The following SPAG6 variants were observed in gnomAD, a reference collection of about 807,000 sequenced individuals.
The protein encoded by SPAG6 is sperm associated antigen 6, also known as sperm-associated antigen 6.
Under a neutral mutation model 58.5 loss-of-function variants are expected in SPAG6, and 49 were observed. The observed-to-expected ratio is 0.84, with a 90% CI of 0.67 to 1.06. The LOEUF (loss-of-function observed/expected upper bound fraction) is 1.06. Ranked by LOEUF, SPAG6 falls within the 50% of genes least tolerant of loss-of-function variation. The pLI is 0.00. For missense variants in SPAG6, 560 were observed against 611.3 expected (o/e 0.92, Z 0.89); for synonymous variants, 233 against 225.6 (o/e 1.03, Z -0.29).
intron 4 of SPAG6, among the ~76,000 whole-genome samples, chr10:22,373,306 T>C (rs1179951540): frequency 6.6e-6 from 1 of 152,216 alleles, no homozygotes; most frequent in East Asian, 1.9e-4. Context: ...GCCCGATTGT[T>C]TTCTATCTTG....
intron 4 of SPAG6, among the ~76,000 whole-genome samples, chr10:22,371,686 A>G (rs527834436): frequency 6.6e-6 from 1 of 152,346 alleles, no homozygotes; most frequent in Admixed American, 6.5e-5. Context: ...TAAATCTTAA[A>G]TTGAGATGCA....
intron 9 of SPAG6, among the ~76,000 whole-genome samples, chr10:22,407,859 C>A (rs1416904693): frequency 3.0e-4 from 46 of 151,686 alleles, no homozygotes; most frequent in African/African-American, 1.0e-3. Context: ...TTTTCTCTAA[C>A]CTTCCTTTCT....
At position 22,368,368 on chromosome 10, in the gene SPAG6, T is replaced by C. The variant is rs571297576; in HGVS notation, c.289-127T>C. 105 of 664,646 alleles carry C rather than the reference T, an allele frequency of 1.6e-4. 3 individuals carry two copies. In the South Asian group the frequency reaches 2.7e-3, roughly 17 times the overall value. The allele number at this position is 664,646 out of a possible 1,614,324, so 41.2% of individuals were successfully genotyped here. Reference sequence around the variant, plus strand: ...ATTATTTTGCAGGATGTTTTTCATCTTTTATATTCAAAAGCTGTTGAGCTT... The same window carrying C: ...ATTATTTTGCAGGATGTTTTTCATCCTTTATATTCAAAAGCTGTTGAGCTT... On this transcript the variant is annotated intron_variant, in intron 3 of 10. Coordinates refer to ENST00000376624, the MANE Select transcript of SPAG6 (RefSeq NM_012443.4).
intron 4 of SPAG6, among the ~76,000 whole-genome samples, chr10:22,383,894 A>G (rs1462698299): frequency 6.6e-6 from 1 of 152,188 alleles, no homozygotes; most frequent in African/African-American, 2.4e-5. Context: ...TAAGCACTTA[A>G]TGAACATTCA....
chr10:22,389,113 G>T, intron 6 of SPAG6, 47 bp from the exon 7 acceptor site: 1 of 1,559,160 alleles, frequency 6.4e-7, no homozygotes, highest in Non-Finnish European at 8.8e-7. Context: ...TGTATTTAAA[G>T]ACCATCATAG....
intron 3 of SPAG6, among the ~76,000 whole-genome samples, chr10:22,368,268 A>C (rs1472775666): frequency 1.3e-5 from 2 of 152,198 alleles, no homozygotes; most frequent in Admixed American, 6.5e-5. Flanking sequence ...AAACATTTGA[A>C]ATACAATGTA....
chr10:22,385,982 T>C (rs1204073994), intron 4 of SPAG6, among the ~76,000 whole-genome samples: 1 of 152,198 alleles, frequency 6.6e-6, no homozygotes, highest in East Asian at 1.9e-4. Context: ...CATGATATTA[T>C]ATGGGTCTGC....
rs952156045 is a variant in SPAG6 at position 22,364,835 on chromosome 10, T to G, written c.122-18T>G. 3.8e-6 allele frequency: 6 copies of G among 1,584,830 alleles called. No individual in the cohort carries two copies. The highest frequency in any genetic ancestry group is 5.2e-6 in the Non-Finnish European group (6 of 1,164,628). On this transcript the variant is annotated intron_variant, in intron 2 of 10. Coordinates refer to ENST00000376624, the MANE Select transcript of SPAG6 (RefSeq NM_012443.4). ...ATTTAAATTTTCCTGATTTCTGTTC[T>G]TTCATAATTTAACTCAGGTGTAATG... is the stretch of plus-strand genomic sequence containing the variant.
At chr10:22,406,476 A>T (rs1031701756) in intron 9 of SPAG6, among the ~76,000 whole-genome samples, 1 of 152,092 alleles carries the variant, frequency 6.6e-6, no homozygotes, top group Non-Finnish European at 1.5e-5. Flanking sequence ...CCTGAGTTCT[A>T]GTTTGATTGC....
intron 4 of SPAG6, among the ~76,000 whole-genome samples, chr10:22,385,857 A>G (rs1834052385): frequency 6.6e-6 from 1 of 152,208 alleles, no homozygotes; most frequent in Non-Finnish European, 1.5e-5. Context: ...ATATTTTGAA[A>G]GGAAGAGATT....
At chr10:22,401,700 T>C (rs754128172) in intron 9 of SPAG6, among the ~76,000 whole-genome samples, 1 of 152,232 alleles carries the variant, frequency 6.6e-6, no homozygotes, top group Admixed American at 6.5e-5. Flanking sequence ...TCTCAGACAG[T>C]CATTTGGAGC....
chr10:22,383,763 C>T lies in SPAG6; in HGVS notation c.473-2991C>T, dbSNP rs188738078. Reference sequence around the variant, plus strand: ...CCCTGAACACTCCACAGACCTGATTCCTGGCTCTGCTCTGTACTTGTAGTG... The same window carrying T: ...CCCTGAACACTCCACAGACCTGATTTCTGGCTCTGCTCTGTACTTGTAGTG... On this transcript the variant is annotated intron_variant, in intron 4 of 10. Transcript: ENST00000376624. Among the ~76,000 whole-genome samples, 758 of 152,254 alleles carry T rather than the reference C, an allele frequency of 5.0e-3. 7 individuals carry two copies. Among genetic ancestry groups the T allele is most frequent in the African/African-American group, 0.017 (709 of 41,536 alleles).
At chr10:22,409,463 C>A (rs1834667651) in intron 9 of SPAG6, among the ~76,000 whole-genome samples, 1 of 152,012 alleles carries the variant, frequency 6.6e-6, no homozygotes, top group Non-Finnish European at 1.5e-5. Flanking sequence ...GGGGAACAGA[C>A]AAAAAAGATT....
At chr10:22,348,871 C>T (rs540433850) in intron 2 of SPAG6, among the ~76,000 whole-genome samples, 7 of 152,260 alleles carry the variant, frequency 4.6e-5, no homozygotes, top group African/African-American at 1.4e-4. Flanking sequence ...TTCACTCTGT[C>T]GCCCAGACTG....
chr10:22,412,470 T>A (rs1348773924), intron 10 of SPAG6: 2 of 1,531,756 alleles, frequency 1.3e-6, no homozygotes, highest in Non-Finnish European at 1.7e-6. Flanking sequence ...GTTGCAAGTT[T>A]GTGCACTTTT....
chr10:22,366,132 C>T (rs992837173), intron 3 of SPAG6, among the ~76,000 whole-genome samples: 3 of 152,190 alleles, frequency 2.0e-5, no homozygotes, highest in Non-Finnish European at 4.4e-5. Flanking sequence ...ATAGCAGCAG[C>T]ATCCACAATA....
intron 10 of SPAG6, among the ~76,000 whole-genome samples, chr10:22,413,534 CAAA>C (rs879796354): frequency 7.6e-6 from 1 of 132,314 alleles, no homozygotes; most frequent in Non-Finnish European, 1.6e-5. Context: ...CTCCGTCTCA[CAAA>C]AAAAAAAAAT....
rs1156609092 is a variant in SPAG6, at chr10:22,345,498, A to C, written c.-114A>C. ...TTGCCCGGGAGACGCGGGTACACAG[A>C]GAAGCGGCTCCCGTCGGAGGCCGAG... On this transcript the variant is annotated 5_prime_UTR_variant, in exon 1 of 11. Coordinates refer to ENST00000376624, the MANE Select transcript of SPAG6 (RefSeq NM_012443.4). This position sits in a 1 kb window ranked among gnomAD's most constrained non-coding sequence, Gnocchi z 6.3. 1 of 880,632 alleles carries C rather than the reference A, an allele frequency of 1.1e-6. No homozygotes were observed. Among genetic ancestry groups the C allele is most frequent in the African/African-American group, 1.7e-5 (1 of 57,686 alleles). 54.6% of individuals were successfully genotyped at this position (880,632 alleles called of 1,614,324 possible). A position where few individuals can be genotyped will look rare whatever the true frequency, so the allele number is the denominator to read the frequency against.
In SPAG6 at chr10:22,416,738, A is replaced by G. The variant is rs1339642947; in HGVS notation, c.*50A>G. 2 of 1,037,296 alleles carry G rather than the reference A, an allele frequency of 1.9e-6. No homozygotes were observed. Among genetic ancestry groups the G allele is most frequent in the Admixed American group, 3.4e-5 (2 of 58,264 alleles). 64.3% of individuals were successfully genotyped at this position (1,037,296 alleles called of 1,614,324 possible). A position where few individuals can be genotyped will look rare whatever the true frequency, so the allele number is the denominator to read the frequency against. ...ATTCACAGCAGAGTAGTTTTGAGTA[A>G]CAGTAATTAAATCCTTCTAAATATT... On this transcript the variant is annotated 3_prime_UTR_variant, in exon 11 of 11. Transcript: ENST00000376624.
Sources: allele counts gnomAD v4.1 joint callset (sites outside exome capture counted in the v4.1 genomes callset), GRCh38; gene constraint gnomAD v4.1.1; non-coding constraint Gnocchi (gnomAD v3.1); transcripts MANE v1.5; gene names NCBI Gene and HGNC (gene_info 2026-07-23, HGNC 2026-07-21).